Variants in PLCB1 observed in about 807,000 individuals in gnomAD.
The protein encoded by PLCB1 is phospholipase C beta 1, also known as 1-phosphatidylinositol 4,5-bisphosphate phosphodiesterase beta-1.
Under a neutral mutation model 161.8 loss-of-function variants are expected in PLCB1, and 46 were observed. That is an observed-to-expected ratio of 0.28 (90% CI 0.22 to 0.36). The LOEUF (loss-of-function observed/expected upper bound fraction) is 0.36, where lower values mean the gene tolerates loss of function less well. Among genes scored for constraint, PLCB1 ranks in the 10% least tolerant of loss-of-function variants. The pLI is 1.00. For synonymous variants in PLCB1, 517 were observed against 503.7 expected (o/e 1.03, Z -0.35); for missense variants, 1,016 against 1,472.5 (o/e 0.69, Z 5.07).
At chr20:8,668,195 C>T (rs980950245) in intron 9 of PLCB1, among the ~76,000 whole-genome samples, 10 of 151,358 alleles carry the variant, frequency 6.6e-5, no homozygotes, top group Non-Finnish European at 1.3e-4. Flanking sequence ...GATGGACCTT[C>T]CACCCTAACC....
Position 8,724,718 on chromosome 20 carries a change from G to A in PLCB1, c.1644G>A (p.Gln548=), listed in dbSNP as rs147407762. Residue 548 remains glutamine (Q), a synonymous_variant, in exon 16 of 32, where the codon CAG becomes CAA. Transcript: ENST00000338037. ...EEMSNLVNYI[Q]PVKFESFEIS... Reference sequence around the variant, plus strand: ...TGTCTAATCTGGTGAACTATATTCAGCCAGTCAAGTTTGAGTCATTTGAAA... The same window carrying A: ...TGTCTAATCTGGTGAACTATATTCAACCAGTCAAGTTTGAGTCATTTGAAA... 1.9e-6 allele frequency: 3 copies of A among 1,611,074 alleles called. No homozygotes were observed. The highest frequency in any genetic ancestry group is 2.2e-5 in the South Asian group (2 of 90,948).
At chr20:8,248,500 C>T (rs898221318) in intron 2 of PLCB1, among the ~76,000 whole-genome samples, 1 of 151,902 alleles carries the variant, frequency 6.6e-6, no homozygotes, top group Non-Finnish European at 1.5e-5. Flanking sequence ...AGCACAGACC[C>T]TGCAAAAGGG....
chr20:8,201,523 C>A (rs2052091299), intron 2 of PLCB1, among the ~76,000 whole-genome samples: 1 of 152,088 alleles, frequency 6.6e-6, no homozygotes, highest in Non-Finnish European at 1.5e-5. Context: ...TTAAAATAAA[C>A]CTGAATCTCT....
intron 3 of PLCB1, among the ~76,000 whole-genome samples, chr20:8,489,092 T>C (rs1181741633): frequency 1.1e-4 from 16 of 152,202 alleles, no homozygotes; most frequent in Admixed American, 1.0e-3. Flanking sequence ...CGTATACTTA[T>C]TGAATACCTT....
At chr20:8,374,856 C>T (rs570044243) in intron 3 of PLCB1, among the ~76,000 whole-genome samples, 4 of 152,246 alleles carry the variant, frequency 2.6e-5, no homozygotes, top group South Asian at 2.1e-4. Flanking sequence ...AATACCCAGG[C>T]ACCCCACAAA....
At chr20:8,163,212 A>G (rs2051643041) in intron 2 of PLCB1, among the ~76,000 whole-genome samples, 1 of 152,214 alleles carries the variant, frequency 6.6e-6, no homozygotes, top group African/African-American at 2.4e-5. Context: ...CATGGTGTAC[A>G]AGTGAAGCTC....
chr20:8,816,485 T>C (rs1268703387), intron 31 of PLCB1, among the ~76,000 whole-genome samples: 1 of 152,220 alleles, frequency 6.6e-6, no homozygotes, highest in Non-Finnish European at 1.5e-5. Flanking sequence ...TTCAAAGTCC[T>C]AAAATAATTT....
intron 5 of PLCB1, among the ~76,000 whole-genome samples, 164 bp downstream of exon 5, chr20:8,646,345 G>A (rs879843516): frequency 6.6e-6 from 1 of 152,122 alleles, no homozygotes; most frequent in Non-Finnish European, 1.5e-5. Flanking sequence ...GTTCAGAATT[G>A]GAAGACTTCC....
chr20:8,793,604 G>A (rs1216415034), intron 31 of PLCB1, among the ~76,000 whole-genome samples: 2 of 152,162 alleles, frequency 1.3e-5, no homozygotes, highest in Non-Finnish European at 2.9e-5. Flanking sequence ...CGGAGGGAGT[G>A]TGCAAATAGG....
chr20:8,185,392 C>T (rs1415052414), intron 2 of PLCB1, among the ~76,000 whole-genome samples: 1 of 152,034 alleles, frequency 6.6e-6, no homozygotes, highest in Non-Finnish European at 1.5e-5. Context: ...ATGGAACATT[C>T]ATACAGTGAA....
chr20:8,651,751 A>G, intron 7 of PLCB1: 1 of 427,760 alleles, frequency 2.3e-6, no homozygotes, highest in Non-Finnish European at 4.2e-6. Context: ...AGTGCTATAA[A>G]AAGAAAGACT....
chr20:8,601,322 G>GTAT (rs1464542958), intron 3 of PLCB1, among the ~76,000 whole-genome samples: 1 of 152,098 alleles, frequency 6.6e-6, no homozygotes, highest in African/African-American at 2.4e-5. Context: ...CATCTCCGAG[G>GTAT]TATTAAGCCT....
At chr20:8,559,462 C>T (rs1291297135) in intron 3 of PLCB1, among the ~76,000 whole-genome samples, 1 of 151,918 alleles carries the variant, frequency 6.6e-6, no homozygotes, top group African/African-American at 2.4e-5. Context: ...TAAATCCTTT[C>T]TCACCCATAA....
intron 3 of PLCB1, among the ~76,000 whole-genome samples, chr20:8,518,673 G>A (rs1397585049): frequency 6.6e-6 from 1 of 152,068 alleles, no homozygotes; most frequent in Admixed American, 6.6e-5. Context: ...ATTTTTCCAT[G>A]GACCAGGGCA....
Position 8,654,871 on chromosome 20 carries a change from CT to C in PLCB1, c.595-2312del, listed in dbSNP as rs1391031427. Reference sequence around the variant, plus strand: ...ATTAGGGATTATCCATAGCTTTTACCTAAACATCTCCCCTATAGCCTTTCAT... The same window carrying C: ...ATTAGGGATTATCCATAGCTTTTACCAAACATCTCCCCTATAGCCTTTCAT... On this transcript the variant is annotated intron_variant, in intron 7 of 31. Coordinates refer to ENST00000338037, the MANE Select transcript of PLCB1 (RefSeq NM_015192.4). Among the ~76,000 whole-genome samples, 6 of 152,094 alleles carry C rather than the reference CT, an allele frequency of 3.9e-5. No individual in the cohort carries two copies. In the East Asian group the frequency reaches 1.2e-3, roughly 29 times the overall value.
At chr20:8,805,075 G>T (rs1984470032) in intron 31 of PLCB1, among the ~76,000 whole-genome samples, 1 of 147,920 alleles carries the variant, frequency 6.8e-6, no homozygotes. Context: ...AAAGGATAAT[G>T]TTTTCTATTA....
At chr20:8,214,144 C>G (rs1978988149) in intron 2 of PLCB1, among the ~76,000 whole-genome samples, 1 of 152,064 alleles carries the variant, frequency 6.6e-6, no homozygotes. Flanking sequence ...GATTTACAAA[C>G]CACAACTGAA....
chr20:8,522,072 T>A (rs1218283843), intron 3 of PLCB1, among the ~76,000 whole-genome samples: 1 of 152,132 alleles, frequency 6.6e-6, no homozygotes, highest in Non-Finnish European at 1.5e-5. Context: ...AGTCACCTTC[T>A]CCTGTGATAG....
chr20:8,717,152 C>T (rs148238742), intron 13 of PLCB1, among the ~76,000 whole-genome samples: 16 of 152,202 alleles, frequency 1.1e-4, no homozygotes, highest in Admixed American at 7.9e-4. Context: ...CTGAAGCCAC[C>T]TCATCCACTT....
Sources: allele counts gnomAD v4.1 joint callset (sites outside exome capture counted in the v4.1 genomes callset), GRCh38; gene constraint gnomAD v4.1.1; transcripts MANE v1.5; gene names NCBI Gene and HGNC (gene_info 2026-07-23, HGNC 2026-07-21).